FBN2: variants seen among roughly 807,000 people sequenced by gnomAD.
FBN2 encodes fibrillin-2.
Under a neutral mutation model 355.6 loss-of-function variants are expected in FBN2, and 105 were observed. The observed-to-expected ratio is 0.30, with a 90% CI of 0.25 to 0.35. The LOEUF (loss-of-function observed/expected upper bound fraction) is 0.35, where lower values mean the gene tolerates loss of function less well. FBN2 is among the 10% of genes least tolerant of loss of function. FBN2 has a pLI of 1.00. For missense variants in FBN2, 3,280 were observed against 3,758.7 expected, an observed-to-expected ratio of 0.87 and a Z score of 3.33; for synonymous variants, 1,350 against 1,301.2, an observed-to-expected ratio of 1.04 and a Z score of -0.81.
chr5:128,470,936 C>T (rs1051183104), intron 5 of FBN2, among the ~76,000 whole-genome samples: 1 of 152,174 alleles, frequency 6.6e-6, no homozygotes, highest in Non-Finnish European at 1.5e-5. Flanking sequence ...ACCTTCTATG[C>T]TGTAACTGCA....
intron 4 of FBN2, among the ~76,000 whole-genome samples, chr5:128,525,936 C>T (rs1756548454): frequency 1.3e-5 from 2 of 152,216 alleles, no homozygotes; most frequent in Middle Eastern, 3.4e-3. Context: ...TATCTATGGT[C>T]ACTTCTGCAC....
chr5:128,424,210 C>CT (rs1324005101), intron 7 of FBN2, among the ~76,000 whole-genome samples: 1 of 151,986 alleles, frequency 6.6e-6, no homozygotes, highest in Non-Finnish European at 1.5e-5. Context: ...GAGCCAACTG[C>CT]TTATAGATGA....
chr5:128,388,327 T>C (rs1334633128), intron 11 of FBN2, among the ~76,000 whole-genome samples: 2 of 152,372 alleles, frequency 1.3e-5, no homozygotes, highest in East Asian at 3.9e-4. Flanking sequence ...GTGGGGCATT[T>C]AGCCCGTTCA....
rs764501626 is a variant in FBN2 at position 128,328,771 on chromosome 5, G to A, written c.4396C>T (p.Leu1466Phe). 2 of 1,613,880 alleles carry A rather than the reference G, an allele frequency of 1.2e-6. No individual in the cohort carries two copies. The highest frequency in any genetic ancestry group is 4.5e-5 in the East Asian group (2 of 44,888). The change falls in exon 34 of 65, where the codon CTT becomes TTT. Residue 1466 changes from leucine (L) to phenylalanine (F), a missense_variant. Physicochemically the swap from Leu to Phe is conservative, Grantham distance 22. Around this residue, in one of 6 missense-constraint regions of FBN2, gnomAD observed 2,284 missense variants for 2,749.5 expected, o/e 0.83. Transcript: ENST00000262464. ...CAGCGATATGCACCCGGGACATTAA[G>A]GCACTGTCCGTTCTCACAGAGGTTT... ...NINLCENGQCLNVPGAYRCEC... is the reference protein window; with the variant it reads ...NINLCENGQCFNVPGAYRCEC...
At chr5:128,340,389 C>A (rs951263397) in intron 25 of FBN2, among the ~76,000 whole-genome samples, 1 of 152,120 alleles carries the variant, frequency 6.6e-6, no homozygotes, top group Non-Finnish European at 1.5e-5. Flanking sequence ...ATTTATTTCC[C>A]TCATTACTGG....
At chr5:128,347,947 T>C (rs577157079) in intron 23 of FBN2, among the ~76,000 whole-genome samples, 10 of 150,752 alleles carry the variant, frequency 6.6e-5, no homozygotes, top group Non-Finnish European at 1.5e-4. Context: ...CCCAGCTAAT[T>C]TTTATATTTT....
chr5:128,282,633 G>T (rs1398616341), intron 55 of FBN2, among the ~76,000 whole-genome samples: 2 of 152,046 alleles, frequency 1.3e-5, no homozygotes, highest in Non-Finnish European at 2.9e-5. Flanking sequence ...ACTGAGAAGA[G>T]GTTGAAAAAA....
chr5:128,468,165 G>T (rs374035303), intron 5 of FBN2, among the ~76,000 whole-genome samples: 8 of 152,184 alleles, frequency 5.3e-5, no homozygotes, highest in Admixed American at 2.0e-4. Context: ...GATTTCTCTG[G>T]ACAATTAATA....
chr5:128,263,711 G>A (rs995217692), intron 62 of FBN2, 55 bp from the exon 63 acceptor site: 3 of 1,321,580 alleles, frequency 2.3e-6, no homozygotes, highest in South Asian at 2.5e-5. Flanking sequence ...GAGCAAAAAC[G>A]TGAACAAGTC....
chr5:128,357,512 A>G, intron 19 of FBN2, 117 bp from the exon 20 acceptor site: 1 of 1,195,918 alleles, frequency 8.4e-7, no homozygotes, highest in Non-Finnish European at 1.2e-6. Context: ...TAATTTTAAT[A>G]TGGATCTATG....
intron 5 of FBN2, among the ~76,000 whole-genome samples, chr5:128,512,268 T>G (rs2127153332): frequency 6.6e-6 from 1 of 152,214 alleles, no homozygotes; most frequent in Non-Finnish European, 1.5e-5. Flanking sequence ...TCCCAGCACT[T>G]TCGGAGGCCG....
intron 27 of FBN2, among the ~76,000 whole-genome samples, 186 bp from the exon 28 acceptor site, chr5:128,336,299 G>T (rs1281307991): frequency 6.6e-6 from 1 of 152,214 alleles, no homozygotes; most frequent in African/African-American, 2.4e-5. Flanking sequence ...ATACTGTTGA[G>T]TAAAGCTTTC....
intron 15 of FBN2, among the ~76,000 whole-genome samples, chr5:128,373,978 G>C (rs1426549955): frequency 6.6e-6 from 1 of 152,036 alleles, no homozygotes; most frequent in Non-Finnish European, 1.5e-5. Flanking sequence ...TTTAAGTTTT[G>C]TTAGGGTGAA....
rs1318087919 is a variant in FBN2, at chr5:128,310,388, ATATATATATATATATTT to A, written c.5075-297_5075-281del. Reference sequence around the variant, plus strand: ...CACATATATATATATATATATATATATATATATATATATATTTTTTTTTTTTTTTTTTTATTGCAATT... The same window carrying A: ...CACATATATATATATATATATATATATTTTTTTTTTTTTTTTATTGCAATT... On this transcript the variant is annotated intron_variant, in intron 39 of 64. Coordinates refer to ENST00000262464, the MANE Select transcript of FBN2 (RefSeq NM_001999.4). Among the ~76,000 whole-genome samples the A allele has an allele frequency of 5.1e-3, 380 of 74,030 alleles. 3 individuals carry two copies. The highest frequency in any genetic ancestry group is 0.019 in the African/African-American group (227 of 12,026). The allele number at this position is 74,030 out of a possible 152,430, so 48.6% of individuals were successfully genotyped here.
intron 7 of FBN2, chr5:128,442,074 CCAA>C (rs1368410759): frequency 3.3e-6 from 1 of 300,032 alleles, no homozygotes; most frequent in Admixed American, 4.7e-5. Flanking sequence ...GGAGACTGTG[CCAA>C]CAACTTTTAT....
intron 5 of FBN2, among the ~76,000 whole-genome samples, chr5:128,479,494 G>T (rs1482643370): frequency 6.6e-6 from 1 of 152,038 alleles, no homozygotes; most frequent in Non-Finnish European, 1.5e-5. Flanking sequence ...TATGAAATAA[G>T]TACTATCCTT....
chr5:128,423,036 G>C (rs1350812845), intron 7 of FBN2, among the ~76,000 whole-genome samples: 2 of 152,170 alleles, frequency 1.3e-5, no homozygotes, highest in Admixed American at 1.3e-4. Flanking sequence ...TGGTGGCCAA[G>C]AGACTGAGAT....
At chr5:128,439,920 T>C (rs1474849294) in intron 7 of FBN2, among the ~76,000 whole-genome samples, 2 of 152,176 alleles carry the variant, frequency 1.3e-5, no homozygotes, top group Non-Finnish European at 2.9e-5. Flanking sequence ...TTGATTCATT[T>C]AAAATTTATC....
chr5:128,480,012 ATATATATATATG>A lies in FBN2; in HGVS notation c.629-15103_629-15092del, dbSNP rs1210126393. ...TATATATATATATATATATATATAT[ATATATATATATG>A]TATATACACACACACACACACATAT... On this transcript the variant is annotated intron_variant, in intron 5 of 64. Transcript: ENST00000262464. Among the ~76,000 whole-genome samples, 385 of 76,256 alleles carry A rather than the reference ATATATATATATG, an allele frequency of 5.0e-3. 5 individuals carry two copies. Among genetic ancestry groups the A allele is most frequent in the Non-Finnish European group, 6.1e-3 (216 of 35,570 alleles). 50.0% of individuals were successfully genotyped at this position (76,256 alleles called of 152,430 possible). A position where few individuals can be genotyped will look rare whatever the true frequency, so the allele number is the denominator to read the frequency against.
Sources: gnomAD v4.1 joint callset for allele counts (sites outside exome capture counted in the v4.1 genomes callset) on GRCh38, gnomAD v4.1.1 for gene constraint, gnomAD v4.1.1 regional missense constraint, MANE v1.5 for transcripts, NCBI Gene and HGNC (gene_info 2026-07-23, HGNC 2026-07-21) for gene names.